Variants in NLRP14 observed in about 807,000 individuals in gnomAD.
The protein encoded by NLRP14 is NACHT, LRR and PYD domains-containing protein 14.
NLRP14 carries 105 observed loss-of-function variants against 94.7 expected under a neutral mutation model. The ratio of observed to expected loss-of-function variants is 1.11; its 90% CI spans 0.95 to 1.30. The LOEUF is 1.30. NLRP14 is among the 50% of genes most tolerant of loss of function. NLRP14 has a pLI of 0.00. For missense variants in NLRP14, 1,362 were observed against 1,254.1 expected, an observed-to-expected ratio of 1.09 and a Z score of -1.30; for synonymous variants, 508 against 459.9, an observed-to-expected ratio of 1.10 and a Z score of -1.34.
In NLRP14 at chr11:7,062,479, C is replaced by G. The variant is rs1487810232; in HGVS notation, c.2951C>G (p.Pro984Arg). ...VKILCDALRY[P>R]NCNIQRLGLE... ...ATTCTGTGTGATGCTTTGAGATATC[C>G]AAACTGTAACATTCAGAGGCTCGGG... Residue 984 changes from proline (P) to arginine (R), a missense_variant, in exon 10 of 12, where the codon CCA becomes CGA. Physicochemically the swap from Pro to Arg is moderately radical, Grantham distance 103. Coordinates refer to ENST00000299481, the MANE Select transcript of NLRP14 (RefSeq NM_176822.4). 1 of 1,612,932 alleles carries G rather than the reference C, an allele frequency of 6.2e-7. No individual in the cohort carries two copies. Among genetic ancestry groups the G allele is most frequent in the South Asian group, 1.1e-5 (1 of 91,056 alleles).
chr11:7,078,831 C>G, the NLRP14 span, among the ~76,000 whole-genome samples: 1 of 152,080 alleles, frequency 6.6e-6, no homozygotes, highest in Non-Finnish European at 1.5e-5. Flanking sequence ...AGGAGGTATC[C>G]AAATTGGGAG....
At chr11:7,036,081 C>T (rs1852156138) in intron 1 of NLRP14, among the ~76,000 whole-genome samples, 1 of 152,138 alleles carries the variant, frequency 6.6e-6, no homozygotes, top group African/African-American at 2.4e-5. Flanking sequence ...TCTATATACA[C>T]TAGGTCCTCA....
At chr11:7,069,505 A>G (rs949080476) in intron 10 of NLRP14, among the ~76,000 whole-genome samples, 5 of 152,168 alleles carry the variant, frequency 3.3e-5, no homozygotes, top group African/African-American at 1.2e-4. Context: ...ATTTATCTCC[A>G]TTAGCCATTC....
chr11:7,079,849 T>C, the NLRP14 span, among the ~76,000 whole-genome samples: 1 of 152,258 alleles, frequency 6.6e-6, no homozygotes, highest in African/African-American at 2.4e-5. Flanking sequence ...GACCCCACAA[T>C]CTAAGCTGAA....
At chr11:7,038,912 G>C (rs1369397568) in intron 2 of NLRP14, 37 bp downstream of exon 2, 2 of 1,603,060 alleles carry the variant, frequency 1.2e-6, no homozygotes, top group South Asian at 2.2e-5. Flanking sequence ...GGCTAGGCAG[G>C]AAGGAAGTGT....
chr11:7,041,431 T>A (rs1852247180), intron 3 of NLRP14, among the ~76,000 whole-genome samples: 1 of 152,192 alleles, frequency 6.6e-6, no homozygotes, highest in Admixed American at 6.5e-5. Context: ...GTTCATCTTT[T>A]TTCCAGGAGA....
the NLRP14 span, chr11:7,090,442 T>C: frequency 8.9e-7 from 1 of 1,127,608 alleles, no homozygotes; most frequent in Non-Finnish European, 1.3e-6. Context: ...TCGTCTCCAT[T>C]TTTATGCTTT....
chr11:7,047,328 T>G (rs1315977971), intron 5 of NLRP14, among the ~76,000 whole-genome samples: 1 of 152,108 alleles, frequency 6.6e-6, no homozygotes, highest in African/African-American at 2.4e-5. Flanking sequence ...GTTTTTTTTT[T>G]TCCTGAGACA....
chr11:7,031,562 G>C (rs1852095644), intron 1 of NLRP14, among the ~76,000 whole-genome samples: 1 of 152,118 alleles, frequency 6.6e-6, no homozygotes, highest in South Asian at 2.1e-4. Flanking sequence ...AATTTGGCAG[G>C]CACTGCGTGC....
Position 7,042,408 on chromosome 11 carries a change from A to G in NLRP14, c.382A>G (p.Asn128Asp), listed in dbSNP as rs1207774716. ...CTTAGGTGATGGAACAGAATACAGA[A>G]ATAGAATAAAGGAAAAATTTTGCAT... The part of the protein sequence containing the change: ...AVLGDGTEYR[N>D]RIKEKFCITW... Residue 128 changes from asparagine (N) to aspartate (D), a missense_variant, in exon 4 of 12, where the codon AAT becomes GAT. By Grantham distance (23) the Asn-to-Asp change is conservative (BLOSUM62 1). Transcript: ENST00000299481. The G allele has an allele frequency of 6.2e-7, 1 of 1,613,852 alleles. No homozygotes were observed. Among genetic ancestry groups the G allele is most frequent in the Non-Finnish European group, 8.5e-7 (1 of 1,179,922 alleles).
chr11:7,047,119 C>T (rs1233806678), intron 5 of NLRP14, among the ~76,000 whole-genome samples: 1 of 152,162 alleles, frequency 6.6e-6, no homozygotes, highest in Non-Finnish European at 1.5e-5. Flanking sequence ...GTCACCAATG[C>T]ACTTTCAAGG....
At chr11:7,026,798 C>A (rs1427172643) in intron 1 of NLRP14, among the ~76,000 whole-genome samples, 3 of 125,802 alleles carry the variant, frequency 2.4e-5, no homozygotes, top group African/African-American at 9.6e-5. Context: ...AAATGTGGCA[C>A]ATATACACCA....
intron 6 of NLRP14, among the ~76,000 whole-genome samples, chr11:7,052,263 A>G (rs913970213): frequency 2.0e-5 from 3 of 152,230 alleles, no homozygotes; most frequent in Non-Finnish European, 4.4e-5. Flanking sequence ...AAAATGGCAT[A>G]TAAATGCAGA....
chr11:7,033,974 G>C (rs970391335), intron 1 of NLRP14, among the ~76,000 whole-genome samples: 2 of 152,184 alleles, frequency 1.3e-5, no homozygotes, highest in African/African-American at 4.8e-5. Context: ...GCTGGTAATA[G>C]TAGCCTTGAT....
At chr11:7,088,745 G>T in the NLRP14 span, among the ~76,000 whole-genome samples, 1 of 152,072 alleles carries the variant, frequency 6.6e-6, no homozygotes, top group South Asian at 2.1e-4. Flanking sequence ...GGGTAGCTTA[G>T]GTTTGGGATC....
intron 1 of NLRP14, among the ~76,000 whole-genome samples, chr11:7,035,053 A>T (rs1852142432): frequency 6.6e-6 from 1 of 152,122 alleles, no homozygotes; most frequent in African/African-American, 2.4e-5. Flanking sequence ...GCACTTTGGG[A>T]GGCCTAGGTG....
At chr11:7,032,462 T>A (rs16921625) in intron 1 of NLRP14, among the ~76,000 whole-genome samples, 4,756 of 152,268 alleles carry the variant, frequency 0.031, 141 homozygotes, top group East Asian at 0.13. Context: ...CAGTGGATGA[T>A]TTCCCAAAGA....
In NLRP14 at chr11:7,043,027, C is replaced by A. The variant is rs927667105; in HGVS notation, c.1001C>A (p.Ala334Glu). 4.3e-6 allele frequency: 7 copies of A among 1,614,076 alleles called. No individual in the cohort carries two copies. The highest frequency in any genetic ancestry group is 5.1e-6 in the Non-Finnish European group (6 of 1,179,980). The change falls in exon 4 of 12, where the codon GCA becomes GAA. Residue 334 changes from alanine to glutamate, a missense_variant. Transcript: ENST00000299481. ...YVELLGMSED[A>E]REEYIYQFFE... ...GAGCTACTAGGAATGTCTGAGGATG[C>A]AAGAGAGGAGTATATTTACCAGTTT...
chr11:7,059,520 C>T (rs1418132929), intron 8 of NLRP14, among the ~76,000 whole-genome samples: 3 of 151,884 alleles, frequency 2.0e-5, no homozygotes, highest in African/African-American at 7.2e-5. Context: ...ATTTTCCTTA[C>T]TGTTTGAAAA....
Sources: allele counts gnomAD v4.1 joint callset (sites outside exome capture counted in the v4.1 genomes callset), GRCh38; gene constraint gnomAD v4.1.1; transcripts MANE v1.5; gene names NCBI Gene and HGNC (gene_info 2026-07-23, HGNC 2026-07-21).